Variants in STMND1 observed in about 807,000 individuals in gnomAD.
STMND1 encodes stathmin domain-containing protein 1.
STMND1 carries 17 observed loss-of-function variants against 23.0 expected under a neutral mutation model. The observed-to-expected ratio is 0.74, with a 90% CI of 0.51 to 1.11. The LOEUF is 1.11. STMND1 is among the 50% of genes least tolerant of loss of function. The pLI is 0.00. For missense variants in STMND1, 305 were observed against 329.1 expected, an observed-to-expected ratio of 0.93 and a Z score of 0.57; for synonymous variants, 114 against 119.9, an observed-to-expected ratio of 0.95 and a Z score of 0.32.
At chr6:17,110,847 A>C in intron 1 of STMND1, 1 of 456,008 alleles carries the variant, frequency 2.2e-6, no homozygotes, top group Non-Finnish European at 4.4e-6. Flanking sequence ...TTGTGTTCTT[A>C]TCTCTTCTGG....
At chr6:17,128,988 C>T (rs1761347480) in intron 3 of STMND1, 124 bp from the exon 4 acceptor site, 2 of 1,007,768 alleles carry the variant, frequency 2.0e-6, no homozygotes, top group South Asian at 3.5e-5. Context: ...GCCGGGATTA[C>T]AGGCATGAGC....
intron 3 of STMND1, chr6:17,128,493 C>T (rs960354206): frequency 2.0e-5 from 3 of 152,220 alleles, no homozygotes; most frequent in Non-Finnish European, 4.4e-5. Context: ...TTCTCCACTG[C>T]TTTTCATCTT....
Position 17,115,118 on chromosome 6 carries a change from A to G in STMND1, c.238A>G (p.Arg80Gly). 2.0e-6 allele frequency: 3 copies of G among 1,535,492 alleles called. No individual in the cohort carries two copies. The highest frequency in any genetic ancestry group is 2.0e-5 in the Admixed American group (1 of 50,856). Residue 80 changes from arginine (R) to glycine (G), a missense_variant, in exon 2 of 5, where the codon AGA becomes GGA. Transcript: ENST00000536551. Reference sequence around the variant, plus strand: ...AGAAAATTCTCCATCTCCTAGTGAAAGAAACAGACGAGTAAATTCAGGTAA... The same window carrying G: ...AGAAAATTCTCCATCTCCTAGTGAAGGAAACAGACGAGTAAATTCAGGTAA... ...ISENSPSPSE[R>G]NRRVNSDLVT...
intron 1 of STMND1, among the ~76,000 whole-genome samples, chr6:17,106,653 A>G (rs1303610964): frequency 6.6e-6 from 1 of 152,242 alleles, no homozygotes; most frequent in Non-Finnish European, 1.5e-5. Context: ...TATTGGAATA[A>G]TAATAATTTC....
chr6:17,115,071 G>A lies in STMND1; in HGVS notation c.191G>A (p.Gly64Glu). Residue 64 changes from glycine (G) to glutamate (E), a missense_variant, in exon 2 of 5, where the codon GGA becomes GAA. Physicochemically the swap from Gly to Glu is moderately conservative, Grantham distance 98 (BLOSUM62 -2). Coordinates refer to ENST00000536551, the MANE Select transcript of STMND1 (RefSeq NM_001190766.2). The part of the protein sequence containing the change: ...IAEGLEQVQM[G>E]SLPGTISENS... ...GAAGGCCTGGAACAAGTCCAGATGG[G>A]AAGCTTACCTGGAACCATTTCAGAA... is the stretch of plus-strand genomic sequence containing the variant. The A allele has an allele frequency of 6.5e-7, 1 of 1,535,952 alleles. No homozygotes were observed. The highest frequency in any genetic ancestry group is 8.7e-7 in the Non-Finnish European group (1 of 1,146,840).
intron 1 of STMND1, among the ~76,000 whole-genome samples, chr6:17,107,768 TG>T (rs1761046008): frequency 6.6e-6 from 1 of 152,188 alleles, no homozygotes; most frequent in African/African-American, 2.4e-5. Flanking sequence ...GGCTAATTTT[TG>T]ATATTTTGTA....
chr6:17,106,954 C>T (rs1224957339), intron 1 of STMND1, among the ~76,000 whole-genome samples: 1 of 152,076 alleles, frequency 6.6e-6, no homozygotes, highest in African/African-American at 2.4e-5. Context: ...ACTCAAAATT[C>T]CTTGCCTGTT....
intron 1 of STMND1, among the ~76,000 whole-genome samples, chr6:17,107,743 T>C (rs1761045317): frequency 6.6e-6 from 1 of 152,162 alleles, no homozygotes; most frequent in African/African-American, 2.4e-5. Context: ...AATACAAGTA[T>C]GAGCCATCAT....
intron 4 of STMND1, among the ~76,000 whole-genome samples, chr6:17,129,879 G>A (rs952416438): frequency 6.6e-6 from 1 of 151,958 alleles, no homozygotes; most frequent in Non-Finnish European, 1.5e-5. Flanking sequence ...TAGAGATGGG[G>A]TCTCATTATG....
intron 4 of STMND1, among the ~76,000 whole-genome samples, chr6:17,129,853 GAAA>G (rs1024339930): frequency 6.8e-6 from 1 of 147,814 alleles, no homozygotes; most frequent in South Asian, 2.2e-4. Context: ...CCAAAAAAAA[GAAA>G]AAAAAAATTG....
At chr6:17,112,756 G>A (rs534102357) in intron 1 of STMND1, among the ~76,000 whole-genome samples, 4 of 151,968 alleles carry the variant, frequency 2.6e-5, no homozygotes, top group East Asian at 1.9e-4. Context: ...CAGCCTGGGC[G>A]ACAGAGGGAG....
chr6:17,129,116 C>T lies in STMND1; in HGVS notation c.416C>T (p.Thr139Ile), dbSNP rs1761349358. Residue 139 changes from threonine to isoleucine, a missense_variant, in exon 4 of 5, where the codon ACT (threonine) becomes ATT (isoleucine). By Grantham distance (89) the Thr-to-Ile change is moderately conservative. Transcript: ENST00000536551. Reference protein sequence around the residue: ...RNGESYDVTLTTTEKPLRKPP... With the variant: ...RNGESYDVTLITTEKPLRKPP... ...TAAAAAGATGTTTTATTCCAGTTGA[C>T]TACGACTGAGAAGCCATTGAGAAAG... 1 of 1,535,584 alleles carries T rather than the reference C, an allele frequency of 6.5e-7. No individual in the cohort carries two copies. Among genetic ancestry groups the T allele is most frequent in the South Asian group, 1.2e-5 (1 of 84,020 alleles).
Position 17,130,884 on chromosome 6 carries a change from C to T in STMND1, c.*3C>T, listed in dbSNP as rs561674552. 1.6e-4 allele frequency: 247 copies of T among 1,499,314 alleles called. No individual in the cohort carries two copies. In the African/African-American group the frequency reaches 2.9e-3, roughly 18 times the overall value. 92.9% of individuals were successfully genotyped at this position (1,499,314 alleles called of 1,614,324 possible). A position where few individuals can be genotyped will look rare whatever the true frequency, so the allele number is the denominator to read the frequency against. Reference sequence around the variant, plus strand: ...AAGCAGATGACATAGTCTACTAAGCCATTTTTTGTGAATTTCATAAGAAAG... The same window carrying T: ...AAGCAGATGACATAGTCTACTAAGCTATTTTTTGTGAATTTCATAAGAAAG... On this transcript the variant is annotated 3_prime_UTR_variant, in exon 5 of 5. Coordinates refer to ENST00000536551, the MANE Select transcript of STMND1 (RefSeq NM_001190766.2).
At chr6:17,130,399 A>G (rs917839533) in intron 4 of STMND1, among the ~76,000 whole-genome samples, 195 bp from the exon 5 acceptor site, 2 of 152,156 alleles carry the variant, frequency 1.3e-5, no homozygotes, top group Non-Finnish European at 2.9e-5. Flanking sequence ...CCTATCAGAG[A>G]GCAAGGACCA....
chr6:17,119,700 C>CAA lies in STMND1; in HGVS notation c.260-895_260-894dup, dbSNP rs35768370. Among the ~76,000 whole-genome samples the CAA allele has an allele frequency of 2.8e-3, 365 of 128,740 alleles. 1 individual carries two copies. Among genetic ancestry groups the CAA allele is most frequent in the African/African-American group, 9.2e-3 (315 of 34,274 alleles). 84.5% of individuals were successfully genotyped at this position (128,740 alleles called of 152,430 possible). Reference sequence around the variant, plus strand: ...GAGTGACAAGAGTGAAACCTCATCTCAAAAAAAAAAAAAGAAAAGAAATTT... The same window carrying CAA: ...GAGTGACAAGAGTGAAACCTCATCTCAAAAAAAAAAAAAAAGAAAAGAAATTT... On this transcript the variant is annotated intron_variant, in intron 2 of 4. Coordinates refer to ENST00000536551, the MANE Select transcript of STMND1 (RefSeq NM_001190766.2).
At chr6:17,117,749 C>CACTG (rs1348064274) in intron 2 of STMND1, among the ~76,000 whole-genome samples, 7 of 129,602 alleles carry the variant, frequency 5.4e-5, no homozygotes, top group Admixed American at 2.8e-4. Flanking sequence ...AGTCTCAGCT[C>CACTG]ACTGCAACCT....
At chr6:17,125,357 T>C (rs1429714045) in intron 3 of STMND1, among the ~76,000 whole-genome samples, 1 of 152,212 alleles carries the variant, frequency 6.6e-6, no homozygotes, top group Non-Finnish European at 1.5e-5. Context: ...TTTAGAGAGA[T>C]GTGATTGGCT....
At chr6:17,123,829 C>T (rs917654023) in intron 3 of STMND1, among the ~76,000 whole-genome samples, 4 of 152,140 alleles carry the variant, frequency 2.6e-5, no homozygotes, top group African/African-American at 7.2e-5. Flanking sequence ...GATGCAGTTT[C>T]TGTGTCACGG....
At chr6:17,105,421 G>A (rs187128037) in intron 1 of STMND1, among the ~76,000 whole-genome samples, 4 of 151,612 alleles carry the variant, frequency 2.6e-5, no homozygotes, top group Non-Finnish European at 5.9e-5. Flanking sequence ...TGAAGGGGGC[G>A]GATCACCTGA....
Sources: allele counts gnomAD v4.1 joint callset (sites outside exome capture counted in the v4.1 genomes callset), GRCh38; gene constraint gnomAD v4.1.1; transcripts MANE v1.5; gene names NCBI Gene and HGNC (gene_info 2026-07-23, HGNC 2026-07-21).